The following SLC12A9 variants were observed in gnomAD, a reference collection of about 807,000 sequenced individuals.
The protein encoded by SLC12A9 is CCC-interacting protein 1.
SLC12A9 carries 55 observed loss-of-function variants against 66.0 expected under a neutral mutation model. The observed-to-expected ratio is 0.83, with a 90% CI of 0.67 to 1.04. The LOEUF (loss-of-function observed/expected upper bound fraction) is 1.04. Ranked by LOEUF, SLC12A9 falls within the 50% of genes least tolerant of loss-of-function variation. The pLI is 0.00. For synonymous variants in SLC12A9, 577 were observed against 569.0 expected (o/e 1.01, Z -0.20); for missense variants, 1,061 against 1,241.9 (o/e 0.85, Z 2.19).
intron 1 of SLC12A9, among the ~76,000 whole-genome samples, chr7:100,828,178 T>C (rs1460204833): frequency 6.6e-6 from 1 of 152,004 alleles, no homozygotes; most frequent in Non-Finnish European, 1.5e-5. Context: ...CCCTGAAAAA[T>C]GTCCAGAGGA....
intron 13 of SLC12A9, 42 bp from the exon 14 acceptor site, chr7:100,865,677 C>T (rs372232120): frequency 5.3e-4 from 830 of 1,570,818 alleles, no homozygotes; most frequent in Non-Finnish European, 6.8e-4. Context: ...AGCCTGTGAG[C>T]CTGACTCCTG....
At chr7:100,858,786 C>G in intron 5 of SLC12A9, 49 bp from the exon 6 acceptor site, 1 of 1,587,732 alleles carries the variant, frequency 6.3e-7, no homozygotes, top group Non-Finnish European at 8.6e-7. Flanking sequence ...AGGCCTGGAT[C>G]CCTGAGACGG....
intron 1 of SLC12A9, among the ~76,000 whole-genome samples, chr7:100,827,787 A>T (rs1365200304): frequency 6.6e-6 from 1 of 152,138 alleles, no homozygotes; most frequent in Non-Finnish European, 1.5e-5. Flanking sequence ...TCCAGGACCG[A>T]GCATGTCGGG....
upstream of SLC12A9, among the ~76,000 whole-genome samples, chr7:100,848,499 AAAATAAATAAAT>A (rs56099726): frequency 1.7e-4 from 25 of 145,702 alleles, no homozygotes; most frequent in Non-Finnish European, 1.5e-4. Flanking sequence ...CCAAGTCTCA[AAAATAAATAAAT>A]AAATAAATAA....
chr7:100,843,621 C>G (rs1013751235), intron 1 of SLC12A9, among the ~76,000 whole-genome samples: 1 of 152,182 alleles, frequency 6.6e-6, no homozygotes, highest in Non-Finnish European at 1.5e-5. Flanking sequence ...GGTTTAAGGG[C>G]CCTAGCAGCA....
chr7:100,850,412 T>A (rs113704852), upstream of SLC12A9, among the ~76,000 whole-genome samples: 157 of 150,464 alleles, frequency 1.0e-3, no homozygotes, highest in African/African-American at 3.4e-3. Context: ...CAGCTGATTT[T>A]AAAAAAAAAT....
At chr7:100,828,707 G>C (rs894305884) in intron 1 of SLC12A9, among the ~76,000 whole-genome samples, 1 of 152,104 alleles carries the variant, frequency 6.6e-6, no homozygotes, top group African/African-American at 2.4e-5. Flanking sequence ...CTGCGGCTGC[G>C]GCTGCTGTCT....
At chr7:100,837,630 G>A (rs1314598987) in intron 1 of SLC12A9, 3 of 152,230 alleles carry the variant, frequency 2.0e-5, no homozygotes, top group African/African-American at 7.2e-5. Flanking sequence ...CAGCAGCGAA[G>A]AAAACTGAAG....
Position 100,854,312 on chromosome 7 carries a change from A to G in SLC12A9, c.115A>G (p.Thr39Ala). ...PGGASARKLSTFLGVVVPTVL... is the reference protein window; with the variant it reads ...PGGASARKLSAFLGVVVPTVL... ...AGGGGCGTCTGCCCGGAAGCTGTCC[A>G]CCTTCCTGGGTGTGGTGGTGCCCAC... Residue 39 changes from threonine (T) to alanine (A), a missense_variant, in exon 2 of 14, where the codon ACC becomes GCC. Thr to Ala is a moderately conservative substitution (Grantham distance 58, BLOSUM62 0). Transcript: ENST00000354161. 6.2e-7 allele frequency: 1 copy of G among 1,607,034 alleles called. No individual in the cohort carries two copies. Among genetic ancestry groups the G allele is most frequent in the Non-Finnish European group, 8.5e-7 (1 of 1,178,126 alleles).
chr7:100,844,457 C>T lies in SLC12A9; in HGVS notation n.229-15428C>T, dbSNP rs563320853. ...AAACAAGTCACGTTAAAATTTGATG[C>T]CTGTGCTATCATTAATAGTAATAAG... On this transcript the variant is annotated intron_variant and non_coding_transcript_variant, in intron 1 of 1. Coordinates refer to the SLC12A9 transcript ENST00000461016. 2.6e-4 allele frequency among the ~76,000 whole-genome samples: 40 copies of T among 152,132 alleles called. 1 individual carries two copies. The highest frequency in any genetic ancestry group is 9.2e-4 in the African/African-American group (38 of 41,492).
At position 100,860,923 on chromosome 7, in the gene SLC12A9, TG is replaced by T. The variant is rs1814708662; in HGVS notation, c.1219-214del. The stretch of plus-strand genomic sequence containing the variant: ...GTTTAATAGCATTTTAGGGGCTCAT[TG>T]ACACTTTGGGGGTGCACTGGCACTT... On this transcript the variant is annotated intron_variant, in intron 9 of 13. Coordinates refer to ENST00000354161, the MANE Select transcript of SLC12A9 (RefSeq NM_020246.4). The T allele has an allele frequency of 3.8e-6, 3 of 795,004 alleles. No individual in the cohort carries two copies. In the Admixed American group the frequency reaches 6.2e-5, roughly 16 times the overall value. 49.2% of individuals were successfully genotyped at this position (795,004 alleles called of 1,614,324 possible). A position where few individuals can be genotyped will look rare whatever the true frequency, so the allele number is the denominator to read the frequency against.
chr7:100,832,174 T>G (rs889302442), intron 1 of SLC12A9, among the ~76,000 whole-genome samples: 7 of 151,972 alleles, frequency 4.6e-5, no homozygotes, highest in Admixed American at 3.3e-4. Flanking sequence ...CACTCCAGCC[T>G]GGCAACAGAG....
At position 100,834,054 on chromosome 7, in the gene SLC12A9, A is replaced by G. The variant is rs2116499152; in HGVS notation, n.228+7007A>G. 1.3e-5 allele frequency among the ~76,000 whole-genome samples: 2 copies of G among 151,852 alleles called. 1 individual carries two copies. Among genetic ancestry groups the G allele is most frequent in the South Asian group, 4.2e-4 (2 of 4,808 alleles). The stretch of plus-strand genomic sequence containing the variant: ...GGGGTAGAAACAGCCACGGGGCCTC[A>G]CCAGCATCCAGGTGGCTAAGCGCAC... On this transcript the variant is annotated intron_variant and non_coding_transcript_variant, in intron 1 of 1. Transcript: ENST00000461016.
chr7:100,866,505 G>A lies in SLC12A9; in HGVS notation c.2645G>A (p.Arg882Gln), dbSNP rs370589754. ...YLPRPPADPARYPRYLALLET... is the reference protein window; with the variant it reads ...YLPRPPADPAQYPRYLALLET... ...CCTCGGCCGCCAGCCGATCCCGCCC[G>A]ATACCCCCGCTACCTGGCGCTACTG... is the stretch of plus-strand genomic sequence containing the variant. Residue 882 changes from arginine to glutamine, a missense_variant, in exon 14 of 14, where the codon CGA becomes CAA. Transcript: ENST00000354161. The surrounding 1 kb of genome is among the most constrained non-coding windows in gnomAD (Gnocchi z 7.3). 15 of 1,565,452 alleles carry A rather than the reference G, an allele frequency of 9.6e-6. No homozygotes were observed. The highest frequency in any genetic ancestry group is 7.1e-5 in the East Asian group (3 of 42,500).
intron 1 of SLC12A9, among the ~76,000 whole-genome samples, chr7:100,828,462 C>T (rs567739445): frequency 9.7e-5 from 14 of 144,740 alleles, no homozygotes; most frequent in Non-Finnish European, 1.6e-4. Context: ...TTGCTTGAAC[C>T]GGGACCTAGG....
Position 100,866,002 on chromosome 7 carries a change from G to A in SLC12A9, c.2142G>A (p.Gly714=), listed in dbSNP as rs1191872419. 14 of 1,612,670 alleles carry A rather than the reference G, an allele frequency of 8.7e-6. No individual in the cohort carries two copies. Among genetic ancestry groups the A allele is most frequent in the Non-Finnish European group, 1.1e-5 (13 of 1,179,740 alleles). ...GALPPERLSR[G]SGGTSQLHHV... ...TGCCCCCTGAGCGGCTGAGCCGGGG[G>A]TCTGGGGGCACCTCTCAGCTGCACC... The change falls in exon 14 of 14, where the codon GGG becomes GGA. Residue 714 remains glycine, a synonymous_variant. Coordinates refer to ENST00000354161, the MANE Select transcript of SLC12A9 (RefSeq NM_020246.4). This position sits in a 1 kb window ranked among gnomAD's most constrained non-coding sequence, Gnocchi z 7.3.
chr7:100,850,571 C>T (rs1395755489), upstream of SLC12A9, among the ~76,000 whole-genome samples: 2 of 151,844 alleles, frequency 1.3e-5, no homozygotes, highest in Admixed American at 1.3e-4. Flanking sequence ...GACAGGGTCT[C>T]ACTCTGTCAC....
intron 1 of SLC12A9, among the ~76,000 whole-genome samples, chr7:100,828,758 G>T (rs536240621): frequency 9.2e-5 from 14 of 152,098 alleles, no homozygotes; most frequent in African/African-American, 3.4e-4. Flanking sequence ...GGGCCCTCGG[G>T]ATGGCTGGGA....
At chr7:100,845,782 G>A (rs1034659196) in intron 1 of SLC12A9, among the ~76,000 whole-genome samples, 1 of 152,160 alleles carries the variant, frequency 6.6e-6, no homozygotes, top group Non-Finnish European at 1.5e-5. Context: ...ATGGCCCTCT[G>A]AGAGAATCAT....
Sources: allele counts gnomAD v4.1 joint callset (sites outside exome capture counted in the v4.1 genomes callset), GRCh38; gene constraint gnomAD v4.1.1; non-coding constraint Gnocchi (gnomAD v3.1); transcripts MANE v1.5; gene names NCBI Gene and HGNC (gene_info 2026-07-23, HGNC 2026-07-21).